Variants in COBL observed in about 807,000 individuals in gnomAD.
COBL encodes the protein protein cordon-bleu.
COBL carries 51 observed loss-of-function variants against 98.8 expected under a neutral mutation model. That is an observed-to-expected ratio of 0.52 (90% CI 0.41 to 0.65). COBL has a LOEUF of 0.65. Ranked by LOEUF, COBL falls within the 30% of genes least tolerant of loss-of-function variation. The probability of loss-of-function intolerance (pLI) is 0.00; values close to 1 mark genes in which losing one functional copy is unlikely to be tolerated. For synonymous variants in COBL, 634 were observed against 651.7 expected, an observed-to-expected ratio of 0.97 and a Z score of 0.41; for missense variants, 1,617 against 1,617.5, an observed-to-expected ratio of 1.00 and a Z score of 0.01.
At chr7:51,228,907 TCTCCTTCAAAAAAAAA>T (rs1794462641) in intron 1 of COBL, among the ~76,000 whole-genome samples, 1 of 151,648 alleles carries the variant, frequency 6.6e-6, no homozygotes, top group Non-Finnish European at 1.5e-5. Context: ...AAAAAGGATA[TCTCCTTCAAAAAAAAA>T]AGCAGTGCTA....
intron 12 of COBL, among the ~76,000 whole-genome samples, chr7:51,018,198 G>A (rs1284253929): frequency 6.6e-6 from 1 of 152,024 alleles, no homozygotes; most frequent in Admixed American, 6.6e-5. Flanking sequence ...TCGTGGTGGT[G>A]GTGATGGCGG....
intron 6 of COBL, among the ~76,000 whole-genome samples, chr7:51,122,381 C>T (rs1797819737): frequency 6.6e-6 from 1 of 152,178 alleles, no homozygotes; most frequent in South Asian, 2.1e-4. Flanking sequence ...CGGACAGGAA[C>T]TCGGCTTCCT....
rs1005601377 is a variant in COBL at position 51,024,970 on chromosome 7, C to A, written c.3768+139G>T. 9.6e-6 allele frequency: 11 copies of A among 1,150,818 alleles called. No individual in the cohort carries two copies. The African/African-American group carries it at 1.5e-4, about 16-fold the overall frequency. The allele number at this position is 1,150,818 out of a possible 1,614,324, so 71.3% of individuals were successfully genotyped here. A position where few individuals can be genotyped will look rare whatever the true frequency, so the allele number is the denominator to read the frequency against. ...CTCTGGTCAGCACATGTGAGAGACA[C>A]AGTGACGCCGGCTCTCTCTCAACCC... On this transcript the variant is annotated intron_variant, in intron 12 of 12. Coordinates refer to ENST00000265136, the MANE Select transcript of COBL (RefSeq NM_015198.5).
intron 2 of COBL, among the ~76,000 whole-genome samples, chr7:51,209,748 T>G (rs997875824): frequency 1.3e-5 from 2 of 152,164 alleles, no homozygotes; most frequent in African/African-American, 4.8e-5. Context: ...TGGATTTCCA[T>G]GAGGCAAGGG....
chr7:51,157,953 A>G (rs975587189), intron 5 of COBL, among the ~76,000 whole-genome samples: 1 of 152,246 alleles, frequency 6.6e-6, no homozygotes, highest in Admixed American at 6.5e-5. Context: ...CATACAAAAT[A>G]TGCTCTGTGT....
chr7:51,045,371 A>G (rs543315383), intron 7 of COBL, among the ~76,000 whole-genome samples: 20 of 152,208 alleles, frequency 1.3e-4, no homozygotes, highest in Middle Eastern at 3.4e-3. Context: ...CATATTTCCA[A>G]TCCAAGCATG....
chr7:51,077,430 C>T (rs958029811), intron 7 of COBL, among the ~76,000 whole-genome samples: 2 of 152,196 alleles, frequency 1.3e-5, no homozygotes, highest in East Asian at 1.9e-4. Flanking sequence ...CTGACCATGA[C>T]AGCCAGGAAG....
chr7:51,225,200 G>C (rs1794065689), intron 1 of COBL, among the ~76,000 whole-genome samples: 1 of 152,216 alleles, frequency 6.6e-6, no homozygotes, highest in South Asian at 2.1e-4. Flanking sequence ...GCCTGGGAAA[G>C]AATGGCTGCT....
intron 11 of COBL, 30 bp downstream of exon 11, chr7:51,026,516 T>C (rs2128868907): frequency 6.2e-7 from 1 of 1,609,032 alleles, no homozygotes; most frequent in Non-Finnish European, 8.5e-7. Context: ...TTTGAGCTCC[T>C]GGCGCCATGG....
At chr7:51,147,734 G>T (rs1294797405) in intron 5 of COBL, among the ~76,000 whole-genome samples, 1 of 151,528 alleles carries the variant, frequency 6.6e-6, no homozygotes, top group Non-Finnish European at 1.5e-5. Context: ...AGAACATAAA[G>T]TACGTTGATT....
At chr7:51,223,984 C>G (rs1343141898) in intron 1 of COBL, among the ~76,000 whole-genome samples, 1 of 152,186 alleles carries the variant, frequency 6.6e-6, no homozygotes, top group Non-Finnish European at 1.5e-5. Context: ...TAAAGGTAGT[C>G]CCCTAAGACT....
At chr7:51,064,887 C>T (rs1791740461) in intron 7 of COBL, 1 of 493,558 alleles carries the variant, frequency 2.0e-6, no homozygotes, top group African/African-American at 1.9e-5. Flanking sequence ...TGAGCACAGT[C>T]TCCAGGGCCC....
intron 6 of COBL, among the ~76,000 whole-genome samples, chr7:51,094,218 C>T (rs1795077199): frequency 6.6e-6 from 1 of 151,624 alleles, no homozygotes; most frequent in Admixed American, 6.6e-5. Flanking sequence ...CAACCAGAAG[C>T]TGAGGAGTAG....
intron 1 of COBL, among the ~76,000 whole-genome samples, chr7:51,258,341 C>T (rs1797385678): frequency 6.6e-6 from 1 of 152,188 alleles, no homozygotes; most frequent in African/African-American, 2.4e-5. Flanking sequence ...TGGTTGATCA[C>T]TGCAGGAGTC....
At chr7:51,241,963 C>T (rs891666059) in intron 1 of COBL, among the ~76,000 whole-genome samples, 2 of 152,104 alleles carry the variant, frequency 1.3e-5, no homozygotes, top group Non-Finnish European at 2.9e-5. Context: ...CCCAACTTTG[C>T]ACTCCCAAGT....
chr7:51,128,733 C>CAT (rs1272958697), intron 6 of COBL, among the ~76,000 whole-genome samples: 2 of 150,436 alleles, frequency 1.3e-5, no homozygotes, highest in African/African-American at 2.4e-5. Flanking sequence ...AAGGAGGCTC[C>CAT]ATAAGACAGT....
chr7:51,257,492 G>T (rs1185230739), intron 1 of COBL, among the ~76,000 whole-genome samples: 2 of 152,120 alleles, frequency 1.3e-5, no homozygotes, highest in Non-Finnish European at 2.9e-5. Flanking sequence ...ATAAATCATG[G>T]AATTAATTTG....
chr7:51,026,671 A>G lies in COBL; in HGVS notation c.3385-6T>C. On this transcript the variant is annotated splice_region_variant and splice_polypyrimidine_tract_variant and intron_variant, in intron 10 of 12. Coordinates refer to ENST00000265136, the MANE Select transcript of COBL (RefSeq NM_015198.5). ...TCCCCGGTGTGTTCTGCCGTCTAGA[A>G]TATTAACAGTGTCACACATTTCACT... The G allele has an allele frequency of 6.2e-7, 1 of 1,612,944 alleles. No homozygotes were observed. The highest frequency in any genetic ancestry group is 8.5e-7 in the Non-Finnish European group (1 of 1,179,350).
intron 9 of COBL, among the ~76,000 whole-genome samples, chr7:51,030,263 T>G (rs1288935021): frequency 6.6e-6 from 1 of 152,248 alleles, no homozygotes; most frequent in Non-Finnish European, 1.5e-5. Context: ...AACATGTGCA[T>G]TGGAGAAAAT....
Sources: allele counts gnomAD v4.1 joint callset (sites outside exome capture counted in the v4.1 genomes callset), GRCh38; gene constraint gnomAD v4.1.1; transcripts MANE v1.5; gene names NCBI Gene and HGNC (gene_info 2026-07-23, HGNC 2026-07-21).